The following ANTXR1 variants were observed in gnomAD, a reference collection of about 807,000 sequenced individuals.
ANTXR1 encodes the protein ANTXR cell adhesion molecule 1.
Under a neutral mutation model 78.1 loss-of-function variants are expected in ANTXR1, and 19 were observed. The observed-to-expected ratio is 0.24, with a 90% CI of 0.17 to 0.36. The LOEUF is 0.36. Ranked by LOEUF, ANTXR1 falls within the 10% of genes least tolerant of loss-of-function variation. ANTXR1 has a pLI of 1.00. For synonymous variants in ANTXR1, 273 were observed against 260.5 expected (o/e 1.05, Z -0.46); for missense variants, 518 against 718.6 (o/e 0.72, Z 3.19).
intron 1 of ANTXR1, among the ~76,000 whole-genome samples, chr2:69,023,447 G>A (rs1298402422): frequency 6.6e-6 from 1 of 151,178 alleles, no homozygotes; most frequent in Non-Finnish European, 1.5e-5. Flanking sequence ...GATAATGGTA[G>A]TAGTGATGAT....
At chr2:69,096,346 G>A (rs77917963) in intron 9 of ANTXR1, among the ~76,000 whole-genome samples, 10,178 of 14,290 alleles carry the variant, frequency 0.71, 4,344 homozygotes, top group East Asian at 0.9. Context: ...GGGAGGAAGG[G>A]AGGAAGGGAG....
chr2:69,236,707 G>T (rs914358306), intron 17 of ANTXR1, among the ~76,000 whole-genome samples: 35 of 152,176 alleles, frequency 2.3e-4, no homozygotes, highest in African/African-American at 8.0e-4. Context: ...TCACAGCACT[G>T]TTTATAATAG....
chr2:69,137,612 C>A (rs994465471), intron 12 of ANTXR1, among the ~76,000 whole-genome samples: 2 of 151,866 alleles, frequency 1.3e-5, no homozygotes, highest in Admixed American at 1.3e-4. Context: ...TTTGTAGAGA[C>A]CCTATCTCTA....
chr2:69,042,735 T>G (rs879397273), intron 2 of ANTXR1, among the ~76,000 whole-genome samples: 15 of 152,068 alleles, frequency 9.9e-5, no homozygotes, highest in Non-Finnish European at 2.1e-4. Context: ...TGTCTGGCCC[T>G]CCTCCCCACC....
intron 3 of ANTXR1, among the ~76,000 whole-genome samples, chr2:69,048,574 C>T (rs896880951): frequency 6.6e-6 from 1 of 152,076 alleles, no homozygotes; most frequent in Non-Finnish European, 1.5e-5. Flanking sequence ...TTTCTTTCCC[C>T]GATTGATTAG....
chr2:69,055,894 C>T (rs958091314), intron 3 of ANTXR1, among the ~76,000 whole-genome samples: 2 of 152,152 alleles, frequency 1.3e-5, no homozygotes, highest in Non-Finnish European at 1.5e-5. Flanking sequence ...TTGGGCTCCA[C>T]CACCATGTGC....
intron 9 of ANTXR1, among the ~76,000 whole-genome samples, chr2:69,101,346 G>A (rs558119608): frequency 1.3e-5 from 2 of 152,328 alleles, no homozygotes; most frequent in Admixed American, 6.5e-5. Flanking sequence ...GCTAATGGCT[G>A]AGTTCTAAGG....
intron 16 of ANTXR1, among the ~76,000 whole-genome samples, chr2:69,188,086 A>G (rs1019037852): frequency 3.4e-5 from 5 of 147,762 alleles, no homozygotes; most frequent in Non-Finnish European, 7.5e-5. Context: ...ACAAAAGCTG[A>G]TGACCCAGGG....
At chr2:69,236,975 CCTT>C (rs1573996949) in intron 17 of ANTXR1, among the ~76,000 whole-genome samples, 1 of 152,150 alleles carries the variant, frequency 6.6e-6, no homozygotes, top group East Asian at 1.9e-4. Context: ...CTTCTCCCTT[CCTT>C]TTTTTGTGTA....
At chr2:69,152,424 A>G (rs75060303) in intron 13 of ANTXR1, among the ~76,000 whole-genome samples, 160 bp downstream of exon 13, 2,158 of 152,344 alleles carry the variant, frequency 0.014, 59 homozygotes, top group African/African-American at 0.049. Context: ...ACATTGATCA[A>G]TGGAACCATG....
At chr2:69,232,688 T>A (rs1675651910) in intron 17 of ANTXR1, among the ~76,000 whole-genome samples, 1 of 151,278 alleles carries the variant, frequency 6.6e-6, no homozygotes, top group Non-Finnish European at 1.5e-5. Flanking sequence ...CAAGAAAAAA[T>A]GAAAACAAAT....
intron 17 of ANTXR1, among the ~76,000 whole-genome samples, chr2:69,199,012 T>C (rs148748979): frequency 1.7e-4 from 26 of 152,304 alleles, no homozygotes; most frequent in African/African-American, 5.5e-4. Context: ...TCAGAAAGAA[T>C]TGAAGGATGC....
At chr2:69,032,426 A>G (rs79256004) in intron 1 of ANTXR1, among the ~76,000 whole-genome samples, 12,948 of 151,388 alleles carry the variant, frequency 0.086, 574 homozygotes, top group Admixed American at 0.13. Context: ...TTGTGATACG[A>G]TATTTGTAAA....
intron 8 of ANTXR1, 35 bp from the exon 9 acceptor site, chr2:69,090,824 C>T: frequency 6.2e-7 from 1 of 1,604,102 alleles, no homozygotes; most frequent in Non-Finnish European, 8.5e-7. Flanking sequence ...ACAAAATAAG[C>T]TGTGCATTGA....
Position 69,198,642 on chromosome 2 carries a change from C to G in ANTXR1, c.1434+5227C>G, listed in dbSNP as rs577040018. On this transcript the variant is annotated intron_variant, in intron 17 of 17. Coordinates refer to ENST00000303714, the MANE Select transcript of ANTXR1 (RefSeq NM_032208.3). The stretch of plus-strand genomic sequence containing the variant: ...TTCAAGTTTTCTACAATTTTACAGT[C>G]AAATCTATAAATATTTATGATTCCT... Among the ~76,000 whole-genome samples the G allele has an allele frequency of 9.8e-5, 15 of 152,290 alleles. No individual in the cohort carries two copies. In the South Asian group the frequency reaches 3.1e-3, roughly 32 times the overall value.
At chr2:69,103,958 G>A (rs1445787724) in intron 10 of ANTXR1, among the ~76,000 whole-genome samples, 1 of 122,590 alleles carries the variant, frequency 8.2e-6, no homozygotes, top group Admixed American at 8.1e-5. Flanking sequence ...TTTTTTTGGA[G>A]ACTGAGTTTT....
At chr2:69,048,224 A>G (rs1428858587) in intron 3 of ANTXR1, among the ~76,000 whole-genome samples, 2 of 152,132 alleles carry the variant, frequency 1.3e-5, no homozygotes, top group Non-Finnish European at 2.9e-5. Context: ...AAAAAAATAG[A>G]TGCTCAATTT....
intron 16 of ANTXR1, among the ~76,000 whole-genome samples, chr2:69,185,201 G>A (rs773542750): frequency 4.6e-5 from 7 of 152,164 alleles, no homozygotes; most frequent in Non-Finnish European, 1.0e-4. Context: ...AATCAAAAAC[G>A]CTGGAAGTGG....
intron 1 of ANTXR1, among the ~76,000 whole-genome samples, chr2:69,029,046 C>CT (rs2104021894): frequency 6.7e-6 from 1 of 148,634 alleles, no homozygotes; most frequent in African/African-American, 2.5e-5. Context: ...TTGAGACCCC[C>CT]CCCCCTCCAT....
Sources: gnomAD v4.1 joint callset for allele counts (sites outside exome capture counted in the v4.1 genomes callset) on GRCh38, gnomAD v4.1.1 for gene constraint, MANE v1.5 for transcripts, NCBI Gene and HGNC (gene_info 2026-07-23, HGNC 2026-07-21) for gene names.